RSRC1: variants seen among roughly 807,000 people sequenced by gnomAD.
RSRC1 encodes the protein serine/Arginine-related protein 53.
In RSRC1, 39 loss-of-function variants were observed where a neutral mutation model predicts 49.1. That is an observed-to-expected ratio of 0.79 (90% confidence interval 0.61 to 1.04). The LOEUF is 1.04. Among genes scored for constraint, RSRC1 ranks in the 50% least tolerant of loss-of-function variants. The probability of loss-of-function intolerance (pLI) is 0.00; values close to 1 mark genes in which losing one functional copy is unlikely to be tolerated. For missense variants in RSRC1, 388 were observed against 402.4 expected (o/e 0.96, Z 0.31); for synonymous variants, 143 against 130.8 (o/e 1.09, Z -0.63).
At chr3:158,280,417 C>T (rs547349449) in intron 4 of RSRC1, among the ~76,000 whole-genome samples, 4 of 151,954 alleles carry the variant, frequency 2.6e-5, no homozygotes, top group East Asian at 3.9e-4. Flanking sequence ...TATATTTGTG[C>T]GTTGGTTTTT....
intron 3 of RSRC1, among the ~76,000 whole-genome samples, chr3:158,125,263 G>T: frequency 6.7e-6 from 1 of 150,004 alleles, no homozygotes. Context: ...TTCTTTCTTT[G>T]GATAATTTTT....
At chr3:158,440,438 A>G (rs904712233) in intron 6 of RSRC1, among the ~76,000 whole-genome samples, 1 of 152,146 alleles carries the variant, frequency 6.6e-6, no homozygotes, top group African/African-American at 2.4e-5. Context: ...TTCAGTCTCC[A>G]GGGGATCTTT....
At chr3:158,223,750 A>T (rs1242338877) in intron 4 of RSRC1, among the ~76,000 whole-genome samples, 1 of 151,702 alleles carries the variant, frequency 6.6e-6, no homozygotes, top group East Asian at 1.9e-4. Flanking sequence ...AAAGTACCAC[A>T]GGCTCATGCA....
intron 5 of RSRC1, among the ~76,000 whole-genome samples, chr3:158,332,202 C>T (rs78495472): frequency 0.019 from 2,875 of 152,114 alleles, 92 homozygotes; most frequent in African/African-American, 0.066. Context: ...AATCAAGTTT[C>T]TGCCAATACT....
At chr3:158,142,159 T>C (rs1716788643) in intron 3 of RSRC1, among the ~76,000 whole-genome samples, 1 of 152,234 alleles carries the variant, frequency 6.6e-6, no homozygotes, top group East Asian at 1.9e-4. Context: ...AAGAACTTAA[T>C]CATCATGATT....
At chr3:158,208,826 A>T (rs149255717) in intron 4 of RSRC1, among the ~76,000 whole-genome samples, 2 of 152,212 alleles carry the variant, frequency 1.3e-5, no homozygotes, top group African/African-American at 4.8e-5. Flanking sequence ...TTGTCATGGC[A>T]TCTCATAATT....
At chr3:158,271,340 T>C (rs1238284135) in intron 4 of RSRC1, among the ~76,000 whole-genome samples, 4 of 152,144 alleles carry the variant, frequency 2.6e-5, no homozygotes, top group African/African-American at 9.6e-5. Context: ...ATTGTTGTTA[T>C]TGTTAAATAG....
At chr3:158,174,071 C>T (rs1719053034) in intron 3 of RSRC1, among the ~76,000 whole-genome samples, 1 of 151,672 alleles carries the variant, frequency 6.6e-6, no homozygotes, top group Admixed American at 6.6e-5. Context: ...TTGAGTTTTA[C>T]ATATAAAATG....
intron 7 of RSRC1, among the ~76,000 whole-genome samples, chr3:158,470,357 CACACAT>C (rs1252161667): frequency 0.014 from 1,757 of 128,722 alleles, 27 homozygotes; most frequent in African/African-American, 0.054. Flanking sequence ...CACACACACA[CACACAT>C]ATATATATAT....
chr3:158,246,955 T>C (rs548335389), intron 4 of RSRC1, among the ~76,000 whole-genome samples: 1 of 152,328 alleles, frequency 6.6e-6, no homozygotes, highest in South Asian at 2.1e-4. Flanking sequence ...GTCTCCTGGA[T>C]GATATCCTGA....
chr3:158,508,548 G>A (rs1739990061), intron 7 of RSRC1, among the ~76,000 whole-genome samples: 1 of 150,218 alleles, frequency 6.7e-6, no homozygotes, highest in Admixed American at 6.7e-5. Flanking sequence ...GCCCTTATCT[G>A]TTGTTTCTCT....
rs777652143 is a variant in RSRC1 at position 158,264,977 on chromosome 3, A to ACCCT, written c.495-33062_495-33061insCCCT. ...AATTAGTACTTTGCTGACTATTTGA[A>ACCCT]GATTGCCCTGATCTGTCTCTGTGCT... On this transcript the variant is annotated intron_variant, in intron 4 of 9. Transcript: ENST00000611884. Among the ~76,000 whole-genome samples the ACCCT allele has an allele frequency of 2.1e-3, 320 of 152,274 alleles. 3 individuals carry two copies. Among genetic ancestry groups the ACCCT allele is most frequent in the Non-Finnish European group, 4.1e-3 (280 of 68,016 alleles).
chr3:158,224,714 C>T (rs767387322), intron 4 of RSRC1, among the ~76,000 whole-genome samples: 1 of 151,740 alleles, frequency 6.6e-6, no homozygotes. Context: ...TAATTGTTCA[C>T]AACATTTGAA....
chr3:158,126,874 T>G (rs568771976), intron 3 of RSRC1, among the ~76,000 whole-genome samples: 1 of 150,720 alleles, frequency 6.6e-6, no homozygotes, highest in Non-Finnish European at 1.5e-5. Flanking sequence ...TGACAGGGTT[T>G]TTTTTGTTTT....
chr3:158,405,133 T>C (rs1734092325), intron 6 of RSRC1, among the ~76,000 whole-genome samples: 1 of 152,082 alleles, frequency 6.6e-6, no homozygotes, highest in Non-Finnish European at 1.5e-5. Context: ...CTGTCCATCT[T>C]TTTAAGAATT....
intron 7 of RSRC1, chr3:158,496,832 C>T (rs73154309): frequency 0.21 from 44,452 of 208,772 alleles, 5,295 homozygotes; most frequent in South Asian, 0.29. Flanking sequence ...GAGGGAAAAC[C>T]CTATAAAGTC....
intron 3 of RSRC1, among the ~76,000 whole-genome samples, chr3:158,194,054 TACACACACACACAC>T (rs10530687): frequency 1.4e-3 from 198 of 144,168 alleles, no homozygotes; most frequent in South Asian, 2.8e-3. Flanking sequence ...ACCCCGTCTA[TACACACACACACAC>T]ACACACACAC....
chr3:158,122,111 C>G lies in RSRC1; in HGVS notation c.7C>G (p.Arg3Gly). MG[R>G]RSSDTEEESR... The stretch of plus-strand genomic sequence containing the variant: ...CAAATTTATGCTTATAGAAATGGGA[C>G]GTCGGTCATCAGATACTGAAGAAGA... The change falls in exon 2 of 10, where the codon CGT becomes GGT. Residue 3 changes from arginine (R) to glycine (G), a missense_variant. Physicochemically the swap from Arg to Gly is moderately radical, Grantham distance 125. Transcript: ENST00000611884. 1 of 1,495,742 alleles carries G rather than the reference C, an allele frequency of 6.7e-7. No homozygotes were observed. 92.7% of individuals were successfully genotyped at this position (1,495,742 alleles called of 1,614,324 possible).
At chr3:158,327,197 T>C (rs1191388574) in intron 5 of RSRC1, among the ~76,000 whole-genome samples, 8 of 151,752 alleles carry the variant, frequency 5.3e-5, no homozygotes, top group Admixed American at 3.9e-4. Flanking sequence ...CCTGGATTCA[T>C]TGATTTTTTG....
Sources: gnomAD v4.1 joint callset for allele counts (sites outside exome capture counted in the v4.1 genomes callset) on GRCh38, gnomAD v4.1.1 for gene constraint, MANE v1.5 for transcripts, NCBI Gene and HGNC (gene_info 2026-07-23, HGNC 2026-07-21) for gene names.